VSNL1: variants seen among roughly 807,000 people sequenced by gnomAD.
VSNL1 encodes visinin like 1.
A neutral mutation model predicts 20.4 loss-of-function variants in VSNL1; 6 were observed. The ratio of observed to expected loss-of-function variants is 0.29; its 90% confidence interval spans 0.16 to 0.58. The LOEUF (loss-of-function observed/expected upper bound fraction) is 0.58. Ranked by LOEUF, VSNL1 falls within the 20% of genes least tolerant of loss-of-function variation. VSNL1 has a pLI of 0.90. For synonymous variants in VSNL1, 93 were observed against 86.4 expected (o/e 1.08, Z -0.42); for missense variants, 100 against 234.5 (o/e 0.43, Z 3.75).
intron 1 of VSNL1, among the ~76,000 whole-genome samples, chr2:17,581,742 A>C (rs943917198): frequency 6.6e-6 from 1 of 152,116 alleles, no homozygotes; most frequent in African/African-American, 2.4e-5. Context: ...TAGTACAGTC[A>C]TCTTTAAGCT....
intron 2 of VSNL1, among the ~76,000 whole-genome samples, chr2:17,635,306 C>T (rs1395111897): frequency 2.0e-5 from 3 of 152,168 alleles, no homozygotes; most frequent in East Asian, 1.9e-4. Context: ...ATCCTGACAG[C>T]AAGCTGTGGG....
intron 1 of VSNL1, among the ~76,000 whole-genome samples, chr2:17,550,299 G>A (rs1337156291): frequency 2.0e-5 from 3 of 152,072 alleles, no homozygotes; most frequent in Non-Finnish European, 4.4e-5. Context: ...ATGATAACTA[G>A]GTCTTCACAG....
intron 1 of VSNL1, among the ~76,000 whole-genome samples, chr2:17,550,873 T>C (rs1342087455): frequency 6.6e-6 from 1 of 152,222 alleles, no homozygotes; most frequent in African/African-American, 2.4e-5. Context: ...AAAAAGTTGC[T>C]TCTCAGTCCT....
At chr2:17,601,664 G>T (rs1334377953) in intron 2 of VSNL1, among the ~76,000 whole-genome samples, 1 of 150,658 alleles carries the variant, frequency 6.6e-6, no homozygotes, top group Non-Finnish European at 1.5e-5. Flanking sequence ...GCCAGGCATG[G>T]TGGCTCATGC....
At chr2:17,624,954 C>T (rs965195338) in intron 2 of VSNL1, among the ~76,000 whole-genome samples, 4 of 152,140 alleles carry the variant, frequency 2.6e-5, no homozygotes, top group African/African-American at 9.7e-5. Flanking sequence ...CTCTGTGTCC[C>T]CACCCAAATC....
At chr2:17,562,779 T>A (rs1428298930) in intron 1 of VSNL1, among the ~76,000 whole-genome samples, 2 of 152,246 alleles carry the variant, frequency 1.3e-5, no homozygotes, top group African/African-American at 2.4e-5. Context: ...TTCCTCTAAC[T>A]ATAGATAGCA....
chr2:17,650,377 G>A (rs1666098210), intron 3 of VSNL1, among the ~76,000 whole-genome samples: 1 of 152,236 alleles, frequency 6.6e-6, no homozygotes, highest in Non-Finnish European at 1.5e-5. Context: ...TTAACTTGTT[G>A]AGTGGAATAT....
intron 1 of VSNL1, among the ~76,000 whole-genome samples, chr2:17,576,759 T>G (rs2103361266): frequency 6.6e-6 from 1 of 152,350 alleles, no homozygotes; most frequent in African/African-American, 2.4e-5. Context: ...AGTTTCTGTC[T>G]TTGCTTTTAT....
intron 1 of VSNL1, among the ~76,000 whole-genome samples, chr2:17,574,507 G>A (rs2103359221): frequency 6.6e-6 from 1 of 152,260 alleles, no homozygotes; most frequent in African/African-American, 2.4e-5. Context: ...TATTCCAGCT[G>A]AAAATTCTTT....
chr2:17,611,281 A>G lies in VSNL1; in HGVS notation c.162+19045A>G, dbSNP rs187243958. On this transcript the variant is annotated intron_variant, in intron 2 of 3. Coordinates refer to ENST00000295156, the MANE Select transcript of VSNL1 (RefSeq NM_003385.5). Reference sequence around the variant, plus strand: ...GTAACATGTCTAAGGACACACAACTAGTGAATGACTAAGCTGCGCATAGGT... The same window carrying G: ...GTAACATGTCTAAGGACACACAACTGGTGAATGACTAAGCTGCGCATAGGT... Among the ~76,000 whole-genome samples, 173 of 152,348 alleles carry G rather than the reference A, an allele frequency of 1.1e-3. 1 individual carries two copies. The highest frequency in any genetic ancestry group is 4.0e-3 in the African/African-American group (168 of 41,580).
chr2:17,592,437 A>G (rs1393645944), intron 2 of VSNL1, among the ~76,000 whole-genome samples: 1 of 152,208 alleles, frequency 6.6e-6, no homozygotes, highest in Non-Finnish European at 1.5e-5. Context: ...CTGAACAAAA[A>G]GAGTAATTGT....
chr2:17,586,507 A>T (rs911889808), intron 1 of VSNL1, among the ~76,000 whole-genome samples: 1 of 152,198 alleles, frequency 6.6e-6, no homozygotes, highest in African/African-American at 2.4e-5. Flanking sequence ...CCTCTGTGTT[A>T]TGTAGCTCTC....
chr2:17,641,821 T>C (rs1003533015), intron 2 of VSNL1, among the ~76,000 whole-genome samples: 1 of 152,058 alleles, frequency 6.6e-6, no homozygotes, highest in Non-Finnish European at 1.5e-5. Flanking sequence ...GGGATAGAGA[T>C]AGAAATATGA....
intron 1 of VSNL1, among the ~76,000 whole-genome samples, chr2:17,547,549 C>T (rs1164490985): frequency 1.3e-5 from 2 of 152,002 alleles, no homozygotes; most frequent in East Asian, 3.9e-4. Context: ...AAGATACAAT[C>T]CCAGCCTTCA....
intron 2 of VSNL1, among the ~76,000 whole-genome samples, chr2:17,640,610 C>T (rs1665862513): frequency 6.6e-6 from 1 of 152,232 alleles, no homozygotes. Context: ...AGCTTCCTCT[C>T]CTCCAGAAAA....
chr2:17,655,917 A>G lies in VSNL1; in HGVS notation c.*523A>G, dbSNP rs895581670. On this transcript the variant is annotated 3_prime_UTR_variant, in exon 4 of 4. Transcript: ENST00000295156. This position sits in a 1 kb window ranked among gnomAD's most constrained non-coding sequence, Gnocchi z 5.2. Reference sequence around the variant, plus strand: ...TTATCAGTGAATATAAATGTACTACATTTGCATGCCTTTTGGGTTTGCCTT... The same window carrying G: ...TTATCAGTGAATATAAATGTACTACGTTTGCATGCCTTTTGGGTTTGCCTT... 3 of 153,114 alleles carry G rather than the reference A, an allele frequency of 2.0e-5. No homozygotes were observed. The highest frequency in any genetic ancestry group is 2.0e-4 in the Admixed American group (3 of 15,336). 9.5% of individuals were successfully genotyped at this position (153,114 alleles called of 1,614,324 possible). A position where few individuals can be genotyped will look rare whatever the true frequency, so the allele number is the denominator to read the frequency against.
chr2:17,576,990 A>C (rs1195189242), intron 1 of VSNL1, among the ~76,000 whole-genome samples: 1 of 152,252 alleles, frequency 6.6e-6, no homozygotes, highest in Non-Finnish European at 1.5e-5. Context: ...AACATCATAG[A>C]GAGTCCTTAC....
chr2:17,543,258 C>T (rs950026055), intron 1 of VSNL1, among the ~76,000 whole-genome samples: 6 of 152,174 alleles, frequency 3.9e-5, no homozygotes, highest in Admixed American at 1.3e-4. Context: ...GAATCCTTGG[C>T]GTTTGCCGGG....
intron 2 of VSNL1, among the ~76,000 whole-genome samples, chr2:17,630,424 A>G (rs1473880065): frequency 6.6e-6 from 1 of 152,232 alleles, no homozygotes; most frequent in Non-Finnish European, 1.5e-5. Flanking sequence ...AAGCAAGTGG[A>G]TGTTCCTTGT....
Sources: gnomAD v4.1 joint callset for allele counts (sites outside exome capture counted in the v4.1 genomes callset) on GRCh38, gnomAD v4.1.1 for gene constraint, Gnocchi (gnomAD v3.1) non-coding constraint, MANE v1.5 for transcripts, NCBI Gene and HGNC (gene_info 2026-07-23, HGNC 2026-07-21) for gene names.